Variants in HECW1 observed in about 807,000 individuals in gnomAD.
The protein encoded by HECW1 is HECT, C2 and WW domain containing E3 ubiquitin protein ligase 1, also known as E3 ubiquitin-protein ligase HECW1.
A neutral mutation model predicts 182.3 loss-of-function variants in HECW1; 61 were observed. The observed-to-expected ratio is 0.33, with a 90% confidence interval of 0.27 to 0.41. The LOEUF (loss-of-function observed/expected upper bound fraction) is 0.41. Ranked by LOEUF, HECW1 falls within the 10% of genes least tolerant of loss-of-function variation. The probability of loss-of-function intolerance (pLI) is 1.00; values close to 1 mark genes in which losing one functional copy is unlikely to be tolerated. For missense variants in HECW1, 1,739 were observed against 2,108.9 expected (o/e 0.82, Z 3.44); for synonymous variants, 859 against 832.6 (o/e 1.03, Z -0.55).
intron 3 of HECW1, among the ~76,000 whole-genome samples, chr7:43,292,663 C>A (rs1805534659): frequency 6.6e-6 from 1 of 152,126 alleles, no homozygotes; most frequent in East Asian, 1.9e-4. Flanking sequence ...AGGAAGGTGA[C>A]CTTTGGTGAC....
intron 2 of HECW1, among the ~76,000 whole-genome samples, chr7:43,147,846 C>CTT (rs1788883059): frequency 6.6e-6 from 1 of 152,136 alleles, no homozygotes; most frequent in South Asian, 2.1e-4. Flanking sequence ...TTCAGTCTTC[C>CTT]CTACTAGACA....
Position 43,562,846 on chromosome 7 carries a change from T to A in HECW1, c.*920T>A, listed in dbSNP as rs572200310. 1 of 217,908 alleles carries A rather than the reference T, an allele frequency of 4.6e-6. No homozygotes were observed. The highest frequency in any genetic ancestry group is 6.8e-5 in the East Asian group (1 of 14,780). The allele number at this position is 217,908 out of a possible 1,614,324, so 13.5% of individuals were successfully genotyped here. ...GAAGGACATATTACCTTGGTTTGAA[T>A]CCCTGAGTTCTGTACTGTTCTGTTT... On this transcript the variant is annotated 3_prime_UTR_variant, in exon 30 of 30. Transcript: ENST00000395891.
rs7793354 is a variant in HECW1, at chr7:43,507,007, T to C, written c.3632-130T>C. 3,134 of 1,100,478 alleles carry C rather than the reference T, an allele frequency of 2.8e-3. 59 individuals carry two copies. In the African/African-American group the frequency reaches 0.045, roughly 16 times the overall value. The allele number at this position is 1,100,478 out of a possible 1,614,324, so 68.2% of individuals were successfully genotyped here. ...ATCGCTTGAACCCAGGAGGTGGAAG[T>C]TGCGGTAAGCCGAGAGCACACCACT... On this transcript the variant is annotated intron_variant, in intron 21 of 29. Transcript: ENST00000395891.
At position 43,432,788 on chromosome 7, in the gene HECW1, A is replaced by T. The variant is rs368043641; in HGVS notation, c.802-5215A>T. ...ACCAGTTTACATAATTGCCAATTAA[A>T]TATTTCCTTTAGTTAGTTACCCTGT... is the stretch of plus-strand genomic sequence containing the variant. On this transcript the variant is annotated intron_variant, in intron 8 of 29. Transcript: ENST00000395891. This position sits in a 1 kb window ranked among gnomAD's most constrained non-coding sequence, Gnocchi z 4.1. 6.6e-5 allele frequency among the ~76,000 whole-genome samples: 10 copies of T among 152,370 alleles called. No individual in the cohort carries two copies. Among genetic ancestry groups the T allele is most frequent in the African/African-American group, 2.4e-4 (10 of 41,592 alleles).
At chr7:43,284,815 A>G (rs2152750316) in intron 3 of HECW1, among the ~76,000 whole-genome samples, 1 of 152,338 alleles carries the variant, frequency 6.6e-6, no homozygotes, top group Middle Eastern at 3.4e-3. Flanking sequence ...GGGAAATCAT[A>G]TAATTTACAT....
At chr7:43,364,821 T>C (rs1012769222) in intron 6 of HECW1, among the ~76,000 whole-genome samples, 1 of 152,258 alleles carries the variant, frequency 6.6e-6, no homozygotes, top group African/African-American at 2.4e-5. Flanking sequence ...TTTTATTTTC[T>C]GTAGAAAATC....
At chr7:43,462,559 G>A (rs1375764838) in intron 13 of HECW1, among the ~76,000 whole-genome samples, 5 of 152,102 alleles carry the variant, frequency 3.3e-5, no homozygotes, top group Admixed American at 1.3e-4. Context: ...CTACTGAATC[G>A]GAGACTCAGG....
chr7:43,513,582 C>T (rs2079985246), intron 24 of HECW1, among the ~76,000 whole-genome samples: 1 of 152,100 alleles, frequency 6.6e-6, no homozygotes, highest in African/African-American at 2.4e-5. Context: ...TCCTTTCTTT[C>T]TCGTGCAGTG....
chr7:43,325,086 T>C (rs1050994471), intron 5 of HECW1, among the ~76,000 whole-genome samples: 1 of 152,246 alleles, frequency 6.6e-6, no homozygotes, highest in Non-Finnish European at 1.5e-5. Context: ...AGGAGTAACA[T>C]ACCTGATAAA....
intron 17 of HECW1, among the ~76,000 whole-genome samples, chr7:43,488,632 G>T (rs1397747829): frequency 6.6e-6 from 1 of 152,146 alleles, no homozygotes; most frequent in Non-Finnish European, 1.5e-5. Context: ...GGGCTTCAAG[G>T]ATCCTAGCAC....
intron 21 of HECW1, among the ~76,000 whole-genome samples, chr7:43,506,423 A>G (rs1475880651): frequency 6.6e-6 from 1 of 152,234 alleles, no homozygotes; most frequent in Non-Finnish European, 1.5e-5. Context: ...AACTTGAAAG[A>G]ATTAGAGAGG....
chr7:43,316,741 A>C, intron 4 of HECW1, among the ~76,000 whole-genome samples: 1 of 67,680 alleles, frequency 1.5e-5, no homozygotes, highest in Non-Finnish European at 3.2e-5. Flanking sequence ...CACAGCATCC[A>C]TTCCAGTTCT....
At chr7:43,317,810 TG>T (rs1289341180) in intron 4 of HECW1, among the ~76,000 whole-genome samples, 4 of 44,470 alleles carry the variant, frequency 9.0e-5, no homozygotes, top group African/African-American at 1.0e-3. Context: ...TTCTCATTAT[TG>T]TGTGTGTGTG....
At chr7:43,303,415 G>T (rs1302570080) in intron 3 of HECW1, among the ~76,000 whole-genome samples, 1 of 150,330 alleles carries the variant, frequency 6.7e-6, no homozygotes, top group African/African-American at 2.5e-5. Context: ...CTTATTGGTG[G>T]ATTTTTTTTT....
intron 8 of HECW1, among the ~76,000 whole-genome samples, chr7:43,428,417 G>T (rs1212195257): frequency 6.6e-6 from 1 of 152,178 alleles, no homozygotes; most frequent in Admixed American, 6.5e-5. Context: ...TGGTTTCTGT[G>T]TACCAAGCTT....
chr7:43,375,662 G>A (rs186024536), intron 6 of HECW1, among the ~76,000 whole-genome samples: 4 of 152,248 alleles, frequency 2.6e-5, no homozygotes, highest in Admixed American at 1.3e-4. Flanking sequence ...GGAGGCTGAA[G>A]TGGGCAGATC....
intron 5 of HECW1, among the ~76,000 whole-genome samples, chr7:43,324,790 G>C (rs1225205758): frequency 6.6e-6 from 1 of 152,084 alleles, no homozygotes; most frequent in South Asian, 2.1e-4. Flanking sequence ...TCTACCTGGG[G>C]ATTAAATTAA....
chr7:43,216,247 G>A (rs1414378001), intron 2 of HECW1, among the ~76,000 whole-genome samples: 1 of 152,182 alleles, frequency 6.6e-6, no homozygotes, highest in East Asian at 1.9e-4. Context: ...CTGGGTTCAA[G>A]TGATTCTTCA....
intron 24 of HECW1, among the ~76,000 whole-genome samples, chr7:43,524,399 C>T (rs1446751014): frequency 6.6e-6 from 1 of 152,106 alleles, no homozygotes; most frequent in Non-Finnish European, 1.5e-5. Flanking sequence ...TGGAAACATA[C>T]ATTGTGTGGG....
Sources: allele counts gnomAD v4.1 joint callset (sites outside exome capture counted in the v4.1 genomes callset), GRCh38; gene constraint gnomAD v4.1.1; non-coding constraint Gnocchi (gnomAD v3.1); transcripts MANE v1.5; gene names NCBI Gene and HGNC (gene_info 2026-07-23, HGNC 2026-07-21).